Variants in MYO7B observed in about 807,000 individuals in gnomAD.
The protein encoded by MYO7B is unconventional myosin-VIIb.
Under a neutral mutation model 259.7 loss-of-function variants are expected in MYO7B, and 212 were observed. The observed-to-expected ratio is 0.82, with a 90% CI of 0.73 to 0.91. The LOEUF is 0.91. Ranked by LOEUF, MYO7B falls within the 40% of genes least tolerant of loss-of-function variation. The pLI, the probability that MYO7B is intolerant of heterozygous loss-of-function variation, is 0.00. For missense variants in MYO7B, 2,732 were observed against 2,813.5 expected (o/e 0.97, Z 0.66); for synonymous variants, 1,197 against 1,166.4 (o/e 1.03, Z -0.54).
At chr2:127,623,104 C>A in intron 28 of MYO7B, 98 bp from the exon 29 acceptor site, 1 of 1,416,880 alleles carries the variant, frequency 7.1e-7, no homozygotes. Context: ...GCAAGCAGGG[C>A]CCATGGGCTG....
intron 18 of MYO7B, among the ~76,000 whole-genome samples, chr2:127,593,930 G>A (rs969943372): frequency 3.9e-5 from 6 of 152,330 alleles, no homozygotes; most frequent in South Asian, 2.1e-4. Flanking sequence ...CAGAGGAGGC[G>A]CCTTCCAGCC....
At chr2:127,542,332 T>G (rs370937207) in intron 1 of MYO7B, among the ~76,000 whole-genome samples, 4 of 152,266 alleles carry the variant, frequency 2.6e-5, no homozygotes, top group South Asian at 2.1e-4. Context: ...TTCTCTGGTG[T>G]GCACTGACAA....
chr2:127,571,442 G>GTTTTTTTTTTGTTTTTTTTTT (rs1553448471), intron 6 of MYO7B, among the ~76,000 whole-genome samples: 70 of 41,930 alleles, frequency 1.7e-3, no homozygotes, highest in South Asian at 3.3e-3. Flanking sequence ...TTACCAGTGA[G>GTTTTTTTTTTGTTTTTTTTTT]TTTTTTTTTT....
chr2:127,631,762 G>C lies in MYO7B; in HGVS notation c.5249+9G>C, dbSNP rs1449647092. 6.2e-7 allele frequency: 1 copy of C among 1,611,304 alleles called. No homozygotes were observed. The highest frequency in any genetic ancestry group is 8.5e-7 in the Non-Finnish European group (1 of 1,179,128). The stretch of plus-strand genomic sequence containing the variant: ...ACGCACAACTCCAACAGGTCTGCTG[G>C]GGCGGCGGCCAGCCCACGCGGGCAC... On this transcript the variant is annotated intron_variant, in intron 38 of 47. Transcript: ENST00000409816.
Position 127,609,746 on chromosome 2 carries a change from A to C in MYO7B, c.3024+31A>C. ...AGGGTTCACTGGCTTCTAGTGGATC[A>C]GGCCAGCCCCGAGCCTGGGGTGTGA... is the stretch of plus-strand genomic sequence containing the variant. On this transcript the variant is annotated intron_variant, in intron 23 of 47. Coordinates refer to ENST00000409816, the MANE Select transcript of MYO7B (RefSeq NM_001393586.1). This position sits in a 1 kb window ranked among gnomAD's most constrained non-coding sequence, Gnocchi z 6.9. 1 of 1,613,212 alleles carries C rather than the reference A, an allele frequency of 6.2e-7. No individual in the cohort carries two copies. The highest frequency in any genetic ancestry group is 8.5e-7 in the Non-Finnish European group (1 of 1,179,238).
chr2:127,579,155 G>A (rs1460885208), intron 9 of MYO7B, among the ~76,000 whole-genome samples: 2 of 152,168 alleles, frequency 1.3e-5, no homozygotes, highest in Non-Finnish European at 2.9e-5. Flanking sequence ...CAGAGAGAAG[G>A]TGGAGACTGG....
chr2:127,537,771 A>G (rs1692847382), intron 1 of MYO7B, among the ~76,000 whole-genome samples: 1 of 152,174 alleles, frequency 6.6e-6, no homozygotes, highest in South Asian at 2.1e-4. Context: ...CTGGACTATG[A>G]GCTCCTCGAG....
At chr2:127,623,857 T>C (rs947616750) in intron 29 of MYO7B, among the ~76,000 whole-genome samples, 5 of 152,188 alleles carry the variant, frequency 3.3e-5, no homozygotes, top group Admixed American at 3.3e-4. Context: ...GCCAGACTCA[T>C]GTCTGCCTCC....
intron 1 of MYO7B, among the ~76,000 whole-genome samples, chr2:127,548,216 G>C (rs1489112107): frequency 6.6e-6 from 1 of 152,080 alleles, no homozygotes; most frequent in African/African-American, 2.4e-5. Flanking sequence ...TGGTTAGCCT[G>C]ACAGAAGTTT....
At chr2:127,631,469 T>G in intron 37 of MYO7B, 106 bp downstream of exon 37, 1 of 1,541,122 alleles carries the variant, frequency 6.5e-7, no homozygotes, top group Non-Finnish European at 8.8e-7. Context: ...GCCCAGGAGA[T>G]CTGAGAAACC....
At chr2:127,604,334 A>G (rs1558829266) in intron 19 of MYO7B, among the ~76,000 whole-genome samples, 1 of 151,842 alleles carries the variant, frequency 6.6e-6, no homozygotes, top group South Asian at 2.1e-4. Context: ...CAGCTTCCTC[A>G]CCTCTCTCAG....
chr2:127,573,742 C>G lies in MYO7B; in HGVS notation c.593-178C>G, dbSNP rs550757914. On this transcript the variant is annotated intron_variant, in intron 6 of 47. Transcript: ENST00000409816. Reference sequence around the variant, plus strand: ...CTTTTTCTGACCTCCGAGGTTTTCCCTGCATTTTTGTCTTCCTCTTAGCGG... The same window carrying G: ...CTTTTTCTGACCTCCGAGGTTTTCCGTGCATTTTTGTCTTCCTCTTAGCGG... 3.3e-5 allele frequency among the ~76,000 whole-genome samples: 5 copies of G among 152,352 alleles called. No homozygotes were observed. In the East Asian group the frequency reaches 9.6e-4, roughly 29 times the overall value.
At chr2:127,620,601 G>A (rs1680797421) in intron 27 of MYO7B, 135 bp downstream of exon 27, 4 of 1,117,448 alleles carry the variant, frequency 3.6e-6, no homozygotes, top group Admixed American at 3.3e-5. Flanking sequence ...CAGATGGGCA[G>A]CCATGCCTAT....
Position 127,627,432 on chromosome 2 carries a change from A to G in MYO7B, c.4460+122A>G. On this transcript the variant is annotated intron_variant, in intron 33 of 47. Coordinates refer to ENST00000409816, the MANE Select transcript of MYO7B (RefSeq NM_001393586.1). The surrounding 1 kb of genome is among the most constrained non-coding windows in gnomAD (Gnocchi z 5.6). ...CCGGGTAACAGGCCGGGGTGGAGGG[A>G]CAAGAATCTACGTATGCGATGGCTT... is the stretch of plus-strand genomic sequence containing the variant. The G allele has an allele frequency of 7.5e-7, 1 of 1,333,684 alleles. No individual in the cohort carries two copies. Among genetic ancestry groups the G allele is most frequent in the Non-Finnish European group, 1.0e-6 (1 of 962,882 alleles). 82.6% of individuals were successfully genotyped at this position (1,333,684 alleles called of 1,614,324 possible).
rs1235261022 is a variant in MYO7B, at chr2:127,612,683, C to T, written c.3398+80C>T. On this transcript the variant is annotated intron_variant, in intron 26 of 47. Coordinates refer to ENST00000409816, the MANE Select transcript of MYO7B (RefSeq NM_001393586.1). Reference sequence around the variant, plus strand: ...CTCTCAGCCCATGGCCACAGCCTCCCCCACCACCCCTATGACACCTCCTTG... The same window carrying T: ...CTCTCAGCCCATGGCCACAGCCTCCTCCACCACCCCTATGACACCTCCTTG... 5 of 1,540,182 alleles carry T rather than the reference C, an allele frequency of 3.2e-6. No homozygotes were observed. In the African/African-American group the frequency reaches 5.5e-5, roughly 17 times the overall value.
intron 27 of MYO7B, among the ~76,000 whole-genome samples, chr2:127,621,587 T>TA (rs2105078522): frequency 6.6e-6 from 1 of 152,308 alleles, no homozygotes; most frequent in Non-Finnish European, 1.5e-5. Flanking sequence ...CTGTCTTCAT[T>TA]ATGTTTTCTC....
At chr2:127,629,075 C>G (rs1338737363) in intron 34 of MYO7B, among the ~76,000 whole-genome samples, 1 of 152,206 alleles carries the variant, frequency 6.6e-6, no homozygotes, top group African/African-American at 2.4e-5. Flanking sequence ...CTGGGCCAGC[C>G]TGCTGGCCGG....
intron 19 of MYO7B, among the ~76,000 whole-genome samples, chr2:127,602,439 G>A (rs1267821999): frequency 6.6e-6 from 1 of 152,218 alleles, no homozygotes; most frequent in Non-Finnish European, 1.5e-5. Flanking sequence ...CTTGAGGCCA[G>A]GAGTTCAAAA....
rs1159559369 is a variant in MYO7B at position 127,636,940 on chromosome 2, A to C, written c.6327+27A>C. On this transcript the variant is annotated intron_variant, in intron 47 of 47. Transcript: ENST00000409816. The surrounding 1 kb of genome is among the most constrained non-coding windows in gnomAD (Gnocchi z 4.5). ...TGAGCTCAGGTTCTTTCTCCCATCC[A>C]AGATGCATAGGACAGAGCTGCTGGA... 6.2e-7 allele frequency: 1 copy of C among 1,607,214 alleles called. No individual in the cohort carries two copies.
Sources: gnomAD v4.1 joint callset for allele counts (sites outside exome capture counted in the v4.1 genomes callset) on GRCh38, gnomAD v4.1.1 for gene constraint, Gnocchi (gnomAD v3.1) non-coding constraint, MANE v1.5 for transcripts, NCBI Gene and HGNC (gene_info 2026-07-23, HGNC 2026-07-21) for gene names.